Variants in PHLDB2 observed in about 807,000 individuals in gnomAD.
PHLDB2 encodes the protein pleckstrin homology-like domain family B member 2.
PHLDB2 carries 71 observed loss-of-function variants against 123.6 expected under a neutral mutation model. The ratio of observed to expected loss-of-function variants is 0.57; its 90% CI spans 0.47 to 0.70. The LOEUF (loss-of-function observed/expected upper bound fraction) is 0.70, where lower values mean the gene tolerates loss of function less well. PHLDB2 is among the 30% of genes least tolerant of loss of function. The pLI is 0.00. For missense variants in PHLDB2, 1,446 were observed against 1,519.5 expected (o/e 0.95, Z 0.80); for synonymous variants, 547 against 541.6 (o/e 1.01, Z -0.14).
chr3:111,911,047 G>A (rs774540769), intron 2 of PHLDB2, among the ~76,000 whole-genome samples: 9 of 152,190 alleles, frequency 5.9e-5, no homozygotes, highest in Non-Finnish European at 1.2e-4. Flanking sequence ...GTCTGAAATA[G>A]CATTCATCTT....
At chr3:111,931,333 A>C (rs2069136623) in intron 5 of PHLDB2, among the ~76,000 whole-genome samples, 1 of 152,230 alleles carries the variant, frequency 6.6e-6, no homozygotes, top group African/African-American at 2.4e-5. Flanking sequence ...GAAGACTGGC[A>C]CCAAAAAACT....
At chr3:111,745,784 GA>G (rs2059670935) in intron 1 of PHLDB2, among the ~76,000 whole-genome samples, 1 of 130,544 alleles carries the variant, frequency 7.7e-6, no homozygotes, top group African/African-American at 2.6e-5. Flanking sequence ...AAGAAAGAAA[GA>G]AAAGAAAAGA....
chr3:111,947,080 T>C (rs982035360), intron 9 of PHLDB2, among the ~76,000 whole-genome samples: 2 of 152,200 alleles, frequency 1.3e-5, no homozygotes, highest in Non-Finnish European at 2.9e-5. Context: ...GGTAAGCACC[T>C]TTTAGTGAGA....
At chr3:111,941,420 A>T (rs2069877259) in intron 8 of PHLDB2, among the ~76,000 whole-genome samples, 1 of 152,188 alleles carries the variant, frequency 6.6e-6, no homozygotes, top group African/African-American at 2.4e-5. Context: ...AGAAAGACCA[A>T]ATCCAGAAGG....
intron 1 of PHLDB2, among the ~76,000 whole-genome samples, chr3:111,813,114 T>G (rs552659595): frequency 5.4e-4 from 83 of 152,300 alleles, no homozygotes; most frequent in African/African-American, 1.8e-3. Flanking sequence ...TCCAGCTGAA[T>G]GGACACTTCC....
At chr3:111,780,309 G>GGAA (rs58808539) in intron 1 of PHLDB2, among the ~76,000 whole-genome samples, 1 of 6,860 alleles carries the variant, frequency 1.5e-4, no homozygotes, top group African/African-American at 4.7e-4. Context: ...AAGAGGAAGA[G>GGAA]GAAGAGGAAG....
intron 15 of PHLDB2, among the ~76,000 whole-genome samples, chr3:111,969,395 A>C (rs1396790574): frequency 3.3e-5 from 5 of 152,212 alleles, no homozygotes; most frequent in African/African-American, 4.8e-5. Flanking sequence ...AGCAAAGTAC[A>C]TCTTTTAAAC....
rs530976402 is a variant in PHLDB2 at position 111,971,996 on chromosome 3, A to G, written c.3536-1736A>G. 7.2e-5 allele frequency among the ~76,000 whole-genome samples: 11 copies of G among 152,366 alleles called. No homozygotes were observed. The South Asian group carries it at 2.3e-3, about 32-fold the overall frequency. On this transcript the variant is annotated intron_variant, in intron 16 of 17. Transcript: ENST00000431670. Reference sequence around the variant, plus strand: ...CGTTATCTCATCAATTTACAATAGCATCATTGCTTCTCTTCGCTCATAATG... The same window carrying G: ...CGTTATCTCATCAATTTACAATAGCGTCATTGCTTCTCTTCGCTCATAATG...
intron 1 of PHLDB2, among the ~76,000 whole-genome samples, chr3:111,794,024 C>T (rs1410555326): frequency 3.3e-5 from 5 of 151,876 alleles, no homozygotes; most frequent in African/African-American, 1.2e-4. Context: ...TGGTGTCTCA[C>T]TAGGTTGTGT....
At chr3:111,815,651 G>C (rs2062042315) in intron 1 of PHLDB2, among the ~76,000 whole-genome samples, 1 of 152,204 alleles carries the variant, frequency 6.6e-6, no homozygotes, top group African/African-American at 2.4e-5. Context: ...CTTGGGTGCT[G>C]TTAGAGGCAT....
At chr3:111,747,582 GACTTA>G (rs1379433131) in intron 1 of PHLDB2, among the ~76,000 whole-genome samples, 6 of 152,156 alleles carry the variant, frequency 3.9e-5, no homozygotes, top group Non-Finnish European at 7.4e-5. Flanking sequence ...CAGCTTCCTT[GACTTA>G]GACTCATATT....
intron 1 of PHLDB2, among the ~76,000 whole-genome samples, chr3:111,832,572 A>C (rs1244890680): frequency 6.8e-6 from 1 of 146,772 alleles, no homozygotes; most frequent in African/African-American, 2.5e-5. Context: ...ATATATATAT[A>C]ATGCCATTAT....
At position 111,859,469 on chromosome 3, in the gene PHLDB2, C is replaced by T. The variant is rs934720152; in HGVS notation, c.-122C>T. 3 of 985,550 alleles carry T rather than the reference C, an allele frequency of 3.0e-6. No individual in the cohort carries two copies. The highest frequency in any genetic ancestry group is 4.7e-5 in the South Asian group (1 of 21,290). The allele number at this position is 985,550 out of a possible 1,614,324, so 61.1% of individuals were successfully genotyped here. ...GTGCCGGACCCAGCCGCGCGGAGCCCACCATTGCGGCCCGAGGGGGACCCG... is the reference window on the plus strand; with the variant it reads ...GTGCCGGACCCAGCCGCGCGGAGCCTACCATTGCGGCCCGAGGGGGACCCG... On this transcript the variant is annotated 5_prime_UTR_variant, in exon 1 of 18. Transcript: ENST00000431670.
chr3:111,745,544 C>T (rs939481190), intron 1 of PHLDB2, among the ~76,000 whole-genome samples: 1 of 152,116 alleles, frequency 6.6e-6, no homozygotes, highest in Non-Finnish European at 1.5e-5. Flanking sequence ...GGGAGGATTA[C>T]TTGCCAGAAG....
intron 2 of PHLDB2, chr3:111,846,025 A>C: frequency 7.5e-7 from 1 of 1,329,068 alleles, no homozygotes; most frequent in Non-Finnish European, 1.1e-6. Flanking sequence ...ATTTTCAAGC[A>C]TATACCCAGG....
chr3:111,910,737 C>T (rs2067838830), intron 2 of PHLDB2, among the ~76,000 whole-genome samples: 1 of 152,206 alleles, frequency 6.6e-6, no homozygotes, highest in Admixed American at 6.5e-5. Context: ...TATCTTATGA[C>T]AGTAATTTCT....
At chr3:111,885,594 T>A (rs763409044) in intron 2 of PHLDB2, 182 bp downstream of exon 2, 6 of 840,460 alleles carry the variant, frequency 7.1e-6, no homozygotes, top group Non-Finnish European at 1.2e-5. Context: ...TTAATAGGCT[T>A]GTTTGGCTAT....
rs2062961382 is a variant in PHLDB2, at chr3:111,830,965, GAAAGAAAGAAAGAA to G, written c.-48-14854_-48-14841del. Among the ~76,000 whole-genome samples, 24 of 48,492 alleles carry G rather than the reference GAAAGAAAGAAAGAA, an allele frequency of 4.9e-4. 2 individuals carry two copies. The highest frequency in any genetic ancestry group is 1.1e-3 in the African/African-American group (24 of 21,336). 31.8% of individuals were successfully genotyped at this position (48,492 alleles called of 152,430 possible). On this transcript the variant is annotated intron_variant, in intron 1 of 17. Transcript: ENST00000393923. Reference sequence around the variant, plus strand: ...AAGGAAAGAAAGAAAGAGAAAGAAAGAAAGAAAGAAAGAAAGAAAGAAAGAAAGAAAGAAAGAAA... The same window carrying G: ...AAGGAAAGAAAGAAAGAGAAAGAAAGAGAAAGAAAGAAAGAAAGAAAGAAA...
rs1262198153 is a variant in PHLDB2, at chr3:111,919,125, A to G, written c.1773A>G (p.Glu591=). ...GATCTCAGGAGTTGGCTGCAATGGAAGAAACCCGGATAGTCATTCTGAACA... is the reference window on the plus strand; with the variant it reads ...GATCTCAGGAGTTGGCTGCAATGGAGGAAACCCGGATAGTCATTCTGAACA... ...EQRSQELAAM[E]ETRIVILNNL... Residue 591 remains glutamate (E), a synonymous_variant, in exon 4 of 18, where the codon GAA becomes GAG. Transcript: ENST00000431670. 5 of 1,614,102 alleles carry G rather than the reference A, an allele frequency of 3.1e-6. No homozygotes were observed. Among genetic ancestry groups the G allele is most frequent in the Non-Finnish European group, 4.2e-6 (5 of 1,179,922 alleles).
Sources: allele counts gnomAD v4.1 joint callset (sites outside exome capture counted in the v4.1 genomes callset), GRCh38; gene constraint gnomAD v4.1.1; transcripts MANE v1.5; gene names NCBI Gene and HGNC (gene_info 2026-07-23, HGNC 2026-07-21).